Variants in PFKP observed in about 807,000 individuals in gnomAD.
PFKP encodes phosphofructokinase, platelet.
A neutral mutation model predicts 94.3 loss-of-function variants in PFKP; 101 were observed. The observed-to-expected ratio is 1.07, with a 90% CI of 0.91 to 1.26. The LOEUF (loss-of-function observed/expected upper bound fraction) is 1.26, where lower values mean the gene tolerates loss of function less well. Among genes scored for constraint, PFKP ranks in the 50% most tolerant of loss-of-function variants. The pLI is 0.00. For missense variants in PFKP, 1,145 were observed against 1,103.3 expected, an observed-to-expected ratio of 1.04 and a Z score of -0.53; for synonymous variants, 573 against 432.6, an observed-to-expected ratio of 1.32 and a Z score of -4.03.
At chr10:3,079,046 C>A (rs1281747846) in intron 1 of PFKP, among the ~76,000 whole-genome samples, 1 of 152,224 alleles carries the variant, frequency 6.6e-6, no homozygotes, top group African/African-American at 2.4e-5. Context: ...AGCCCAGCTA[C>A]ATGGGGGTGC....
At chr10:3,093,821 T>C (rs1206059209) in intron 2 of PFKP, among the ~76,000 whole-genome samples, 1 of 151,982 alleles carries the variant, frequency 6.6e-6, no homozygotes, top group Admixed American at 6.6e-5. Context: ...TTTTTTGTAT[T>C]TTTAGTAGAG....
Position 3,082,446 on chromosome 10 carries a change from G to A in PFKP, c.171G>A (p.Val57=), listed in dbSNP as rs368091925. Residue 57 remains valine (V), a synonymous_variant, in exon 2 of 22, where the codon GTG becomes GTA. Transcript: ENST00000381125. The part of the protein sequence containing the change: ...VRMGIYVGAK[V]YFIYEGYQGM... ...TGGGTATCTACGTGGGGGCCAAGGTGTACTTCATCTACGAGGTCAGTGTCT... is the reference window on the plus strand; with the variant it reads ...TGGGTATCTACGTGGGGGCCAAGGTATACTTCATCTACGAGGTCAGTGTCT... The A allele has an allele frequency of 1.9e-6, 3 of 1,605,504 alleles. No individual in the cohort carries two copies. The highest frequency in any genetic ancestry group is 1.3e-5 in the African/African-American group (1 of 74,668).
intron 2 of PFKP, among the ~76,000 whole-genome samples, chr10:3,090,422 A>G (rs1442877721): frequency 6.6e-6 from 1 of 152,208 alleles, no homozygotes; most frequent in Admixed American, 6.5e-5. Flanking sequence ...AACGGGGCAG[A>G]GGAGCTGTTT....
At chr10:3,128,670 G>A (rs750779733) in intron 16 of PFKP, among the ~76,000 whole-genome samples, 4 of 152,358 alleles carry the variant, frequency 2.6e-5, no homozygotes, top group South Asian at 2.1e-4. Flanking sequence ...GCAGCATCCC[G>A]CTCCAGGGCC....
chr10:3,068,392 G>T (rs1831902422), intron 1 of PFKP, among the ~76,000 whole-genome samples: 3 of 152,172 alleles, frequency 2.0e-5, no homozygotes, highest in Non-Finnish European at 4.4e-5. Context: ...TTTAAAAAGG[G>T]TTTCCTGCGC....
intron 2 of PFKP, among the ~76,000 whole-genome samples, chr10:3,094,544 T>C (rs946237903): frequency 3.3e-5 from 5 of 152,104 alleles, no homozygotes; most frequent in Non-Finnish European, 7.4e-5. Context: ...TTCAGAGTGT[T>C]GGTGGGGAGG....
At chr10:3,098,324 G>A (rs1392675477) in intron 2 of PFKP, among the ~76,000 whole-genome samples, 1 of 152,114 alleles carries the variant, frequency 6.6e-6, no homozygotes, top group Non-Finnish European at 1.5e-5. Flanking sequence ...GGGCATTGCT[G>A]CATTTCCTGA....
chr10:3,116,070 A>G (rs1836800948), intron 13 of PFKP, among the ~76,000 whole-genome samples: 1 of 145,420 alleles, frequency 6.9e-6, no homozygotes, highest in Non-Finnish European at 1.5e-5. Flanking sequence ...CTTTATTTAA[A>G]AAATATTGCC....
At chr10:3,125,088 C>T (rs767367148) in intron 16 of PFKP, 2 of 1,260,026 alleles carry the variant, frequency 1.6e-6, no homozygotes, top group East Asian at 5.9e-5. Context: ...CTTGGCCCTG[C>T]TGCTTCAGGC....
At chr10:3,092,971 G>A (rs1319625740) in intron 2 of PFKP, among the ~76,000 whole-genome samples, 7 of 151,316 alleles carry the variant, frequency 4.6e-5, no homozygotes, top group African/African-American at 1.5e-4. Context: ...ATGTGTGGAT[G>A]GGGGTAGGGG....
At chr10:3,072,917 G>A (rs575188970) in intron 1 of PFKP, among the ~76,000 whole-genome samples, 48 of 152,062 alleles carry the variant, frequency 3.2e-4, no homozygotes, top group African/African-American at 9.6e-4. Context: ...ACAGAGGGCC[G>A]TATGTCAGTA....
intron 18 of PFKP, 57 bp downstream of exon 18, chr10:3,132,498 G>A (rs1014874120): frequency 8.1e-7 from 1 of 1,237,014 alleles, no homozygotes; most frequent in Non-Finnish European, 1.2e-6. Flanking sequence ...CTGGTTCTTA[G>A]ATTCTAGTCT....
chr10:3,124,845 A>G (rs202168476), intron 16 of PFKP, among the ~76,000 whole-genome samples: 1 of 145,884 alleles, frequency 6.9e-6, no homozygotes, highest in African/African-American at 2.6e-5. Flanking sequence ...GCCTCACACC[A>G]CCCCGCTGTG....
chr10:3,128,608 T>A (rs975769783), intron 16 of PFKP, among the ~76,000 whole-genome samples: 1 of 149,868 alleles, frequency 6.7e-6, no homozygotes, highest in Non-Finnish European at 1.5e-5. Context: ...TTGCGGGCCT[T>A]GCACGCCTTG....
chr10:3,121,959 C>T (rs928531920), intron 16 of PFKP, among the ~76,000 whole-genome samples: 10 of 151,700 alleles, frequency 6.6e-5, no homozygotes, highest in African/African-American at 1.9e-4. Context: ...GTAGCTGGGA[C>T]TACAGGTGGG....
intron 16 of PFKP, chr10:3,125,328 C>T (rs897312550): frequency 5.3e-5 from 53 of 997,162 alleles, no homozygotes; most frequent in Admixed American, 1.4e-4. Context: ...AAGGATGAGC[C>T]GGATTTATTC....
At chr10:3,104,581 A>G (rs1024555093) in intron 5 of PFKP, 7 of 187,610 alleles carry the variant, frequency 3.7e-5, no homozygotes, top group South Asian at 3.6e-4. Flanking sequence ...CTCACTGGAC[A>G]TTCTCAGTGC....
Position 3,092,408 on chromosome 10 carries a change from G to A in PFKP, c.187-6867G>A, listed in dbSNP as rs902872083. On this transcript the variant is annotated intron_variant, in intron 2 of 21. Transcript: ENST00000381125. ...GTGTGGACAGGAGGGGATGCAGAGA[G>A]GTGGATGGGTGCAAACATATGCTTA... Among the ~76,000 whole-genome samples, 3 of 152,080 alleles carry A rather than the reference G, an allele frequency of 2.0e-5. No individual in the cohort carries two copies. In the South Asian group the frequency reaches 6.2e-4, roughly 31 times the overall value.
At chr10:3,093,636 ATCTTT>A (rs1419281012) in intron 2 of PFKP, among the ~76,000 whole-genome samples, 1 of 98,782 alleles carries the variant, frequency 1.0e-5, no homozygotes, top group Non-Finnish European at 2.0e-5. Flanking sequence ...AACAAGCATT[ATCTTT>A]TTTTTTTTTT....
Sources: gnomAD v4.1 joint callset for allele counts (sites outside exome capture counted in the v4.1 genomes callset) on GRCh38, gnomAD v4.1.1 for gene constraint, MANE v1.5 for transcripts, NCBI Gene and HGNC (gene_info 2026-07-23, HGNC 2026-07-21) for gene names.